Variants in CACNA1E observed in about 807,000 individuals in gnomAD.
CACNA1E encodes the protein calcium voltage-gated channel subunit alpha1 E.
In CACNA1E, 40 loss-of-function variants were observed where a neutral mutation model predicts 259.2. That is an observed-to-expected ratio of 0.15 (90% CI 0.12 to 0.20). The LOEUF is 0.20. CACNA1E is among the 10% of genes least tolerant of loss of function. The probability of loss-of-function intolerance (pLI) is 1.00; values close to 1 mark genes in which losing one functional copy is unlikely to be tolerated. For missense variants in CACNA1E, 1,874 were observed against 3,040.1 expected (o/e 0.62, Z 9.02); for synonymous variants, 1,104 against 1,138.5 (o/e 0.97, Z 0.61).
intron 6 of CACNA1E, among the ~76,000 whole-genome samples, chr1:181,633,832 A>G (rs759550385): frequency 2.6e-5 from 4 of 152,228 alleles, no homozygotes; most frequent in African/African-American, 4.8e-5. Context: ...GCGCTATCCC[A>G]TGATAGGAAT....
intron 1 of CACNA1E, among the ~76,000 whole-genome samples, chr1:181,376,855 T>C (rs1655132162): frequency 6.6e-6 from 1 of 152,194 alleles, no homozygotes. Context: ...CACTGGAGTT[T>C]TGTGGCCTTT....
At chr1:181,508,814 G>A in intron 1 of CACNA1E, among the ~76,000 whole-genome samples, 1 of 152,204 alleles carries the variant, frequency 6.6e-6, no homozygotes, top group East Asian at 1.9e-4. Flanking sequence ...GCCCATGGGT[G>A]CTGAGGGACT....
chr1:181,583,714 G>A (rs1651779876), intron 6 of CACNA1E, among the ~76,000 whole-genome samples: 1 of 152,022 alleles, frequency 6.6e-6, no homozygotes, highest in African/African-American at 2.4e-5. Context: ...GTAAGGGGGA[G>A]GGTTCCCATT....
chr1:181,599,683 G>A (rs1023440390), intron 6 of CACNA1E, among the ~76,000 whole-genome samples: 3 of 152,178 alleles, frequency 2.0e-5, no homozygotes, highest in African/African-American at 7.2e-5. Context: ...GCATGTAGTA[G>A]GTGCTTAGTA....
At chr1:181,632,063 A>G (rs1180388667) in intron 6 of CACNA1E, among the ~76,000 whole-genome samples, 1 of 152,152 alleles carries the variant, frequency 6.6e-6, no homozygotes, top group Admixed American at 6.5e-5. Context: ...TGTAGCCCCA[A>G]AGACTTCAGA....
intron 32 of CACNA1E, among the ~76,000 whole-genome samples, chr1:181,762,176 G>A (rs779396489): frequency 6.6e-6 from 1 of 152,134 alleles, no homozygotes; most frequent in Non-Finnish European, 1.5e-5. Context: ...AGGTACAAAC[G>A]TTTCCCCAAA....
At chr1:181,598,905 T>A (rs1011407137) in intron 6 of CACNA1E, among the ~76,000 whole-genome samples, 1 of 152,164 alleles carries the variant, frequency 6.6e-6, no homozygotes, top group Non-Finnish European at 1.5e-5. Context: ...TCCTGCTTCC[T>A]GGCTGTGGCC....
chr1:181,655,806 A>ATG (rs1659161508), intron 7 of CACNA1E, among the ~76,000 whole-genome samples: 1 of 152,112 alleles, frequency 6.6e-6, no homozygotes, highest in African/African-American at 2.4e-5. Context: ...AATAAAACTA[A>ATG]TGTATTCCCC....
rs367661786 is a variant in CACNA1E at position 181,798,463 on chromosome 1, G to C, written c.6571G>C (p.Glu2191Gln). 1.5e-5 allele frequency: 24 copies of C among 1,613,778 alleles called. 1 individual carries two copies. In the African/African-American group the frequency reaches 3.1e-4, roughly 21 times the overall value. The change falls in exon 48 of 48, where the codon GAG becomes CAG. Residue 2191 changes from glutamate to glutamine, a missense_variant. Coordinates refer to ENST00000367573, the MANE Select transcript of CACNA1E (RefSeq NM_001205293.3). This position sits in a 1 kb window ranked among gnomAD's most constrained non-coding sequence, Gnocchi z 4.2. ...SISPPADGSEEGSPLTSQALE... is the reference protein window; with the variant it reads ...SISPPADGSEQGSPLTSQALE... ...CTCTCCACCTGCTGATGGAAGCGAGGAGGGCTCCCCGCTGACCTCCCAAGC... is the reference window on the plus strand; with the variant it reads ...CTCTCCACCTGCTGATGGAAGCGAGCAGGGCTCCCCGCTGACCTCCCAAGC...
chr1:181,361,762 A>G (rs181609190), intron 1 of CACNA1E, among the ~76,000 whole-genome samples: 28 of 152,274 alleles, frequency 1.8e-4, no homozygotes, highest in Admixed American at 1.6e-3. Flanking sequence ...CTTGATCTTT[A>G]AGTCCCCTGG....
intron 6 of CACNA1E, among the ~76,000 whole-genome samples, chr1:181,601,336 C>T (rs1365722815): frequency 6.6e-6 from 1 of 152,154 alleles, no homozygotes; most frequent in Non-Finnish European, 1.5e-5. Flanking sequence ...GAGGGCCTGC[C>T]ATGTGCTAGA....
chr1:181,331,895 G>A (rs760761577), intron 1 of CACNA1E, among the ~76,000 whole-genome samples: 1 of 152,102 alleles, frequency 6.6e-6, no homozygotes, highest in Non-Finnish European at 1.5e-5. Context: ...AATTATAGGT[G>A]TGCAGTCTTA....
chr1:181,798,425 A>T lies in CACNA1E; in HGVS notation c.6533A>T (p.His2178Leu), dbSNP rs1323103339. The T allele has an allele frequency of 4.2e-5, 68 of 1,613,662 alleles. No homozygotes were observed. Among genetic ancestry groups the T allele is most frequent in the Non-Finnish European group, 5.4e-5 (64 of 1,179,854 alleles). Residue 2178 changes from histidine (H) to leucine (L), a missense_variant, in exon 48 of 48, where the codon CAC becomes CTC. This residue lies in a region of CACNA1E where 542 missense variants were observed against 587.2 expected (regional missense o/e 0.92). Transcript: ENST00000367573. This position sits in a 1 kb window ranked among gnomAD's most constrained non-coding sequence, Gnocchi z 4.2. ...PLLSYSSLIR[H>L]AGSISPPADG... ...CTTTCCTACAGCTCCCTGATTCGAC[A>T]CGCGGGCAGCATCTCTCCACCTGCT...
chr1:181,576,344 G>A (rs1650972712), intron 3 of CACNA1E, among the ~76,000 whole-genome samples: 1 of 152,174 alleles, frequency 6.6e-6, no homozygotes, highest in South Asian at 2.1e-4. Context: ...GGAGTTTTGG[G>A]AAGGGTGCCA....
intron 6 of CACNA1E, among the ~76,000 whole-genome samples, chr1:181,593,646 C>T (rs1243368893): frequency 6.6e-6 from 1 of 152,174 alleles, no homozygotes; most frequent in African/African-American, 2.4e-5. Flanking sequence ...TCAAGCGATT[C>T]TTCTGCCTCA....
At chr1:181,721,614 CTTTT>C (rs371501501) in intron 15 of CACNA1E, 140 bp from the exon 16 acceptor site, 18 of 446,514 alleles carry the variant, frequency 4.0e-5, no homozygotes, top group African/African-American at 2.9e-4. Context: ...ATGGAAATGA[CTTTT>C]TTTTTTTTTA....
At chr1:181,322,920 A>T (rs1028887668) in intron 1 of CACNA1E, among the ~76,000 whole-genome samples, 1 of 152,230 alleles carries the variant, frequency 6.6e-6, no homozygotes, top group African/African-American at 2.4e-5. Flanking sequence ...GAGCACCAGG[A>T]TGAAGGTGTG....
chr1:181,765,191 G>T (rs1352156346), intron 34 of CACNA1E, among the ~76,000 whole-genome samples: 1 of 151,998 alleles, frequency 6.6e-6, no homozygotes, highest in Admixed American at 6.6e-5. Flanking sequence ...TTCTACCTCT[G>T]ACCCCTACTC....
At chr1:181,659,018 T>C (rs1659435970) in intron 7 of CACNA1E, among the ~76,000 whole-genome samples, 1 of 151,910 alleles carries the variant, frequency 6.6e-6, no homozygotes, top group Non-Finnish European at 1.5e-5. Context: ...GGGGGTTTAG[T>C]TGGGATTTAA....
Sources: gnomAD v4.1 joint callset for allele counts (sites outside exome capture counted in the v4.1 genomes callset) on GRCh38, gnomAD v4.1.1 for gene constraint, gnomAD v4.1.1 regional missense constraint, Gnocchi (gnomAD v3.1) non-coding constraint, MANE v1.5 for transcripts, NCBI Gene and HGNC (gene_info 2026-07-23, HGNC 2026-07-21) for gene names.